TENT4B: variants seen among roughly 807,000 people sequenced by gnomAD.
TENT4B encodes the protein PAP associated domain containing 5.
A neutral mutation model predicts 75.0 loss-of-function variants in TENT4B; 10 were observed. The observed-to-expected ratio is 0.13, with a 90% CI of 0.08 to 0.23. The LOEUF (loss-of-function observed/expected upper bound fraction) is 0.23, where lower values mean the gene tolerates loss of function less well. Ranked by LOEUF, TENT4B falls within the 10% of genes least tolerant of loss-of-function variation. TENT4B has a pLI of 1.00. For synonymous variants in TENT4B, 350 were observed against 357.7 expected, an observed-to-expected ratio of 0.98 and a Z score of 0.24; for missense variants, 579 against 893.8, an observed-to-expected ratio of 0.65 and a Z score of 4.49.
intron 2 of TENT4B, among the ~76,000 whole-genome samples, chr16:50,213,770 TA>T (rs2031408378): frequency 1.3e-5 from 2 of 152,236 alleles, no homozygotes; most frequent in East Asian, 3.8e-4. Flanking sequence ...CAAATTATTT[TA>T]AAAATACAGT....
At chr16:50,155,766 A>G (rs1158246295) in intron 1 of TENT4B, among the ~76,000 whole-genome samples, 1 of 152,176 alleles carries the variant, frequency 6.6e-6, no homozygotes, top group Non-Finnish European at 1.5e-5. Context: ...TTCCAAGTCT[A>G]CGCGTAAACC....
intron 1 of TENT4B, among the ~76,000 whole-genome samples, chr16:50,198,246 G>A (rs767234308): frequency 2.0e-5 from 3 of 151,186 alleles, no homozygotes; most frequent in Non-Finnish European, 4.4e-5. Context: ...GCAAAACCCC[G>A]TCTCTACAAA....
intron 1 of TENT4B, among the ~76,000 whole-genome samples, chr16:50,207,540 T>C (rs2031050283): frequency 1.3e-5 from 2 of 152,194 alleles, no homozygotes; most frequent in Non-Finnish European, 2.9e-5. Context: ...GTATTTTGGG[T>C]ACATACAGGT....
chr16:50,211,234 A>T (rs1438029302), intron 1 of TENT4B, 89 bp from the exon 2 acceptor site: 2 of 1,323,846 alleles, frequency 1.5e-6, no homozygotes, highest in African/African-American at 3.1e-5. Context: ...CAGCTGAATT[A>T]TAAGACTTAA....
intron 1 of TENT4B, among the ~76,000 whole-genome samples, chr16:50,198,930 G>A (rs1383353854): frequency 6.6e-6 from 1 of 152,180 alleles, no homozygotes; most frequent in Non-Finnish European, 1.5e-5. Context: ...AGTCTTTCAG[G>A]TGCAAGGTAA....
intron 1 of TENT4B, among the ~76,000 whole-genome samples, chr16:50,207,963 C>T (rs1206276907): frequency 6.6e-6 from 1 of 152,188 alleles, no homozygotes; most frequent in Non-Finnish European, 1.5e-5. Flanking sequence ...AAAATCTGTA[C>T]TTGAAGTTTA....
intron 1 of TENT4B, among the ~76,000 whole-genome samples, chr16:50,166,138 A>G (rs913689941): frequency 6.9e-6 from 1 of 144,996 alleles, no homozygotes; most frequent in African/African-American, 2.6e-5. Flanking sequence ...GCTGGAGTGC[A>G]GTAGCATGAT....
chr16:50,172,121 A>C (rs1251276604), intron 1 of TENT4B, among the ~76,000 whole-genome samples: 1 of 152,190 alleles, frequency 6.6e-6, no homozygotes, highest in East Asian at 1.9e-4. Context: ...AGGCCAAGGC[A>C]GGCAGATCAG....
chr16:50,216,143 G>A lies in TENT4B; in HGVS notation c.878G>A (p.Arg293Gln), dbSNP rs761588757. Residue 293 changes from arginine (R) to glutamine (Q), a missense_variant, in exon 4 of 12, where the codon CGG becomes CAG. Around this residue, in one of 7 missense-constraint regions of TENT4B, gnomAD observed 55 missense variants for 77.1 expected, o/e 0.71. Transcript: ENST00000561678. ...CTCTGGACTCTGGAAGAAGCTCTTC[G>A]GAAACACAAAGTCGCAGATGAGGAT... ...LPLWTLEEAL[R>Q]KHKVADEDSV... The A allele has an allele frequency of 3.1e-6, 5 of 1,613,940 alleles. No individual in the cohort carries two copies. The highest frequency in any genetic ancestry group is 2.2e-5 in the East Asian group (1 of 44,876).
At chr16:50,159,308 G>A (rs1311728212) in intron 1 of TENT4B, among the ~76,000 whole-genome samples, 2 of 149,420 alleles carry the variant, frequency 1.3e-5, no homozygotes, top group South Asian at 2.1e-4. Flanking sequence ...GCAGTGGCGC[G>A]ATCTTGGCTC....
intron 1 of TENT4B, among the ~76,000 whole-genome samples, chr16:50,179,788 T>G (rs971419038): frequency 2.0e-5 from 3 of 152,218 alleles, no homozygotes; most frequent in African/African-American, 7.2e-5. Context: ...AATCCAGGGT[T>G]TCTTAGCCCT....
chr16:50,223,146 A>G (rs2031903643), intron 6 of TENT4B, 28 bp from the exon 7 acceptor site: 1 of 1,513,848 alleles, frequency 6.6e-7, no homozygotes, highest in South Asian at 1.2e-5. Context: ...GCAAAAATCC[A>G]ATATAATTTC....
In TENT4B at chr16:50,234,239, A is replaced by G; in HGVS notation, c.*4911A>G. The G allele has an allele frequency of 1.0e-6, 1 of 985,584 alleles. No homozygotes were observed. The highest frequency in any genetic ancestry group is 1.2e-6 in the Non-Finnish European group (1 of 830,060). 61.1% of individuals were successfully genotyped at this position (985,584 alleles called of 1,614,324 possible). On this transcript the variant is annotated 3_prime_UTR_variant, in exon 12 of 12. Coordinates refer to ENST00000561678, the MANE Select transcript of TENT4B (RefSeq NM_001365324.3). Reference sequence around the variant, plus strand: ...GAGGCCGAAGCGGGAGGATGGCTTGAGGCTGGGAGTTTGAGACCTTCATCT... The same window carrying G: ...GAGGCCGAAGCGGGAGGATGGCTTGGGGCTGGGAGTTTGAGACCTTCATCT...
chr16:50,167,974 T>C (rs1415119465), intron 1 of TENT4B, among the ~76,000 whole-genome samples: 1 of 152,124 alleles, frequency 6.6e-6, no homozygotes, highest in Non-Finnish European at 1.5e-5. Flanking sequence ...AGTTCATTTT[T>C]AAAATATGGT....
rs2150655234 is a variant in TENT4B at position 50,153,348 on chromosome 16, G to A, written c.-274G>A. Among the ~76,000 whole-genome samples, 1 of 135,790 alleles carries A rather than the reference G, an allele frequency of 7.4e-6. No homozygotes were observed. The highest frequency in any genetic ancestry group is 2.6e-4 in the East Asian group (1 of 3,824). The allele number at this position is 135,790 out of a possible 152,430, so 89.1% of individuals were successfully genotyped here. On this transcript the variant is annotated 5_prime_UTR_variant, in exon 1 of 12. Transcript: ENST00000561678. Reference sequence around the variant, plus strand: ...CCGCCGCCGCCGCCATTTGCACGGGGACCCCAGTGACAGGGGCTCGGCGGA... The same window carrying A: ...CCGCCGCCGCCGCCATTTGCACGGGAACCCCAGTGACAGGGGCTCGGCGGA...
chr16:50,169,016 G>A (rs1277852884), intron 1 of TENT4B, among the ~76,000 whole-genome samples: 4 of 152,060 alleles, frequency 2.6e-5, no homozygotes, highest in East Asian at 1.9e-4. Context: ...AGGCATAATC[G>A]TAACACCATT....
In TENT4B at chr16:50,235,164, A is replaced by G; in HGVS notation, c.*5836A>G. 6 of 469,828 alleles carry G rather than the reference A, an allele frequency of 1.3e-5. No homozygotes were observed. The highest frequency in any genetic ancestry group is 1.7e-5 in the Non-Finnish European group (6 of 358,664). 29.1% of individuals were successfully genotyped at this position (469,828 alleles called of 1,614,324 possible). On this transcript the variant is annotated 3_prime_UTR_variant, in exon 12 of 12. Transcript: ENST00000561678. Reference sequence around the variant, plus strand: ...ACCTGGAAGATTTTTTAAGCTAATGACAGTTTCTTCAAAGATGTCAATTAT... The same window carrying G: ...ACCTGGAAGATTTTTTAAGCTAATGGCAGTTTCTTCAAAGATGTCAATTAT...
intron 1 of TENT4B, among the ~76,000 whole-genome samples, chr16:50,206,399 G>A (rs1289381704): frequency 9.3e-6 from 1 of 106,954 alleles, no homozygotes; most frequent in East Asian, 2.6e-4. Context: ...TCCTGTTATT[G>A]ACAGTTTGTT....
At position 50,154,062 on chromosome 16, in the gene TENT4B, CGCCGATCCA is replaced by C; in HGVS notation, c.448_456del (p.Pro150_Asp152del). On this transcript the variant is annotated inframe_deletion, in exon 1 of 12. Coordinates refer to ENST00000561678, the MANE Select transcript of TENT4B (RefSeq NM_001365324.3). ...CGCACCCTTCGGCCGCCGTCCCCGC[CGCCGATCCA>C]GCCGATTCGGCCTCGGGCAGCAGCA... The C allele has an allele frequency of 6.5e-7, 1 of 1,531,732 alleles. No homozygotes were observed. Among genetic ancestry groups the C allele is most frequent in the Non-Finnish European group, 8.7e-7 (1 of 1,145,154 alleles). The allele number at this position is 1,531,732 out of a possible 1,614,324, so 94.9% of individuals were successfully genotyped here.
Sources: gnomAD v4.1 joint callset for allele counts (sites outside exome capture counted in the v4.1 genomes callset) on GRCh38, gnomAD v4.1.1 for gene constraint, gnomAD v4.1.1 regional missense constraint, MANE v1.5 for transcripts, NCBI Gene and HGNC (gene_info 2026-07-23, HGNC 2026-07-21) for gene names.